The following PIK3R3 variants were observed in gnomAD, a reference collection of about 807,000 sequenced individuals.
PIK3R3 encodes the protein phosphoinositide-3-kinase regulatory subunit 3.
In PIK3R3, 64 loss-of-function variants were observed where a neutral mutation model predicts 62.9. The observed-to-expected ratio is 1.02, with a 90% confidence interval of 0.83 to 1.25. The LOEUF (loss-of-function observed/expected upper bound fraction) is 1.25, where lower values mean the gene tolerates loss of function less well. Ranked by LOEUF, PIK3R3 falls within the 50% of genes most tolerant of loss-of-function variation. PIK3R3 has a pLI of 0.00. For synonymous variants in PIK3R3, 165 were observed against 189.0 expected (o/e 0.87, Z 1.04); for missense variants, 614 against 561.6 (o/e 1.09, Z -0.94).
At chr1:46,117,128 A>G (rs1040730166) in intron 1 of PIK3R3, among the ~76,000 whole-genome samples, 2 of 152,196 alleles carry the variant, frequency 1.3e-5, no homozygotes, top group African/African-American at 4.8e-5. Context: ...TTTCTTTTCC[A>G]AAGTTACTTC....
At chr1:46,092,883 T>C (rs1295945845) in intron 1 of PIK3R3, among the ~76,000 whole-genome samples, 6 of 152,156 alleles carry the variant, frequency 3.9e-5, no homozygotes, top group Non-Finnish European at 8.8e-5. Flanking sequence ...TGTACCTGTC[T>C]GGCAAGACCC....
chr1:46,105,583 A>C (rs1333699030), intron 1 of PIK3R3, among the ~76,000 whole-genome samples: 2 of 152,162 alleles, frequency 1.3e-5, no homozygotes, highest in Non-Finnish European at 2.9e-5. Flanking sequence ...TGGAAGGCTG[A>C]GGCAGGTGGA....
chr1:46,148,154 G>A, the PIK3R3 span, among the ~76,000 whole-genome samples: 4 of 152,196 alleles, frequency 2.6e-5, 1 homozygote, highest in South Asian at 8.3e-4. Context: ...ACCTTTCACT[G>A]AGATCAAGCA....
chr1:46,109,982 C>T (rs1024041760), intron 1 of PIK3R3, among the ~76,000 whole-genome samples: 91 of 152,190 alleles, frequency 6.0e-4, no homozygotes, highest in African/African-American at 2.0e-3. Context: ...TTCCCACAGG[C>T]ACCTTTCACC....
At chr1:46,150,829 A>G in the PIK3R3 span, among the ~76,000 whole-genome samples, 1 of 110,464 alleles carries the variant, frequency 9.1e-6, no homozygotes, top group Non-Finnish European at 1.9e-5. Context: ...TTTTTTTGAG[A>G]CAGAGTTTTG....
intron 1 of PIK3R3, among the ~76,000 whole-genome samples, chr1:46,127,727 T>C (rs1655221474): frequency 6.6e-6 from 1 of 151,976 alleles, no homozygotes; most frequent in African/African-American, 2.4e-5. Flanking sequence ...AATAAAAGTT[T>C]TGTTGTTGTT....
the PIK3R3 span, among the ~76,000 whole-genome samples, chr1:46,163,369 GC>G: frequency 6.6e-6 from 1 of 152,204 alleles, no homozygotes; most frequent in South Asian, 2.1e-4. Flanking sequence ...CAAAAGGGAT[GC>G]CCCAGCTGAC....
At chr1:46,128,281 T>G (rs1655266994) in intron 1 of PIK3R3, among the ~76,000 whole-genome samples, 1 of 151,856 alleles carries the variant, frequency 6.6e-6, no homozygotes, top group South Asian at 2.1e-4. Context: ...CTAAAAATAC[T>G]AAAATTAGCC....
At chr1:46,160,687 G>A in the PIK3R3 span, among the ~76,000 whole-genome samples, 24 of 152,346 alleles carry the variant, frequency 1.6e-4, no homozygotes, top group African/African-American at 5.1e-4. Flanking sequence ...CCTTAATCCC[G>A]TAATAGGAGA....
At chr1:46,174,348 C>T in the PIK3R3 span, among the ~76,000 whole-genome samples, 4 of 152,200 alleles carry the variant, frequency 2.6e-5, no homozygotes, top group South Asian at 6.2e-4. Flanking sequence ...AGCCCAGCAC[C>T]GTCTGGGCAT....
intron 1 of PIK3R3, among the ~76,000 whole-genome samples, chr1:46,101,461 C>T (rs945149936): frequency 6.6e-5 from 10 of 152,100 alleles, no homozygotes; most frequent in South Asian, 2.1e-4. Flanking sequence ...GCCCAGACCA[C>T]GCCACTGCAC....
the PIK3R3 span, among the ~76,000 whole-genome samples, chr1:46,152,224 C>T: frequency 6.6e-6 from 1 of 152,230 alleles, no homozygotes; most frequent in African/African-American, 2.4e-5. Flanking sequence ...CCAACTAACA[C>T]TGAGGCTTGA....
At chr1:46,114,192 C>T (rs1028492775) in intron 1 of PIK3R3, among the ~76,000 whole-genome samples, 2 of 152,184 alleles carry the variant, frequency 1.3e-5, no homozygotes, top group African/African-American at 2.4e-5. Context: ...GCCTAGATCA[C>T]GTGCCCACCC....
intron 1 of PIK3R3, among the ~76,000 whole-genome samples, chr1:46,122,681 T>C (rs990311889): frequency 6.6e-6 from 1 of 152,126 alleles, no homozygotes; most frequent in Non-Finnish European, 1.5e-5. Flanking sequence ...TCATTTCTAA[T>C]TGTTCAAAGT....
intron 5 of PIK3R3, among the ~76,000 whole-genome samples, chr1:46,062,301 C>G (rs1020283061): frequency 6.6e-6 from 1 of 152,172 alleles, no homozygotes; most frequent in Admixed American, 6.5e-5. Flanking sequence ...ATAGGCCAGG[C>G]GTGGTGGCTT....
At chr1:46,166,398 T>C in the PIK3R3 span, among the ~76,000 whole-genome samples, 1 of 151,868 alleles carries the variant, frequency 6.6e-6, no homozygotes, top group Non-Finnish European at 1.5e-5. Flanking sequence ...AATTTTTGTA[T>C]TTTTAGTAGA....
At chr1:46,149,494 G>A in the PIK3R3 span, among the ~76,000 whole-genome samples, 1 of 150,706 alleles carries the variant, frequency 6.6e-6, no homozygotes, top group African/African-American at 2.4e-5. Context: ...GCAACATCCA[G>A]AAGTTACTCT....
At chr1:46,078,701 A>G (rs1269858597) in intron 2 of PIK3R3, among the ~76,000 whole-genome samples, 2 of 152,204 alleles carry the variant, frequency 1.3e-5, no homozygotes. Context: ...TATTAATTGC[A>G]GCATTATTTA....
upstream of PIK3R3, among the ~76,000 whole-genome samples, chr1:46,137,851 A>G (rs182251422): frequency 1.4e-3 from 220 of 152,354 alleles, no homozygotes; most frequent in Non-Finnish European, 2.4e-3. Context: ...TGGGGAGTCT[A>G]AGTTCAAATT....
Sources: allele counts gnomAD v4.1 joint callset (sites outside exome capture counted in the v4.1 genomes callset), GRCh38; gene constraint gnomAD v4.1.1; transcripts MANE v1.5; gene names NCBI Gene and HGNC (gene_info 2026-07-23, HGNC 2026-07-21).